Variants in NCAM1 observed in about 807,000 individuals in gnomAD.
NCAM1 encodes neural cell adhesion molecule 1.
In NCAM1, 14 loss-of-function variants were observed where a neutral mutation model predicts 109.8. The observed-to-expected ratio is 0.13, with a 90% CI of 0.08 to 0.20. NCAM1 has a LOEUF of 0.20. NCAM1 is among the 10% of genes least tolerant of loss of function. The pLI, the probability that NCAM1 is intolerant of heterozygous loss-of-function variation, is 1.00. For missense variants in NCAM1, 774 were observed against 1,109.9 expected, an observed-to-expected ratio of 0.70 and a Z score of 4.30; for synonymous variants, 418 against 442.9, an observed-to-expected ratio of 0.94 and a Z score of 0.70.
rs1940863917 is a variant in NCAM1 at position 113,119,612 on chromosome 11, A to C, written c.53-82767A>C. Among the ~76,000 whole-genome samples, 3 of 152,172 alleles carry C rather than the reference A, an allele frequency of 2.0e-5. No individual in the cohort carries two copies. The South Asian group carries it at 6.2e-4, about 32-fold the overall frequency. On this transcript the variant is annotated intron_variant, in intron 1 of 19. Transcript: ENST00000316851. The stretch of plus-strand genomic sequence containing the variant: ...TACAGGTTCCAACCTTGGTGGAGGA[A>C]GTGATATTTAATATCACATAAAACC...
At chr11:113,113,786 A>T (rs1940557063) in intron 1 of NCAM1, among the ~76,000 whole-genome samples, 1 of 151,824 alleles carries the variant, frequency 6.6e-6, no homozygotes, top group Non-Finnish European at 1.5e-5. Context: ...AAAAATCTTG[A>T]TGTGTCTTAG....
At chr11:113,252,546 C>A (rs554300033) in intron 15 of NCAM1, among the ~76,000 whole-genome samples, 14 of 152,164 alleles carry the variant, frequency 9.2e-5, no homozygotes, top group African/African-American at 3.1e-4. Context: ...GACTTCAGTG[C>A]CTAATAGACT....
At chr11:113,021,441 A>C (rs1404145557) in intron 1 of NCAM1, among the ~76,000 whole-genome samples, 1 of 152,222 alleles carries the variant, frequency 6.6e-6, no homozygotes, top group Non-Finnish European at 1.5e-5. Context: ...TCCTTTGGCT[A>C]TTCATTTGGG....
intron 1 of NCAM1, among the ~76,000 whole-genome samples, chr11:113,067,466 A>G (rs1555084426): frequency 2.0e-5 from 3 of 152,210 alleles, no homozygotes; most frequent in Admixed American, 6.5e-5. Context: ...CTCTTTGACA[A>G]ATTGTCTTTT....
At chr11:113,218,632 G>A (rs1555114762) in intron 8 of NCAM1, among the ~76,000 whole-genome samples, 1 of 152,198 alleles carries the variant, frequency 6.6e-6, no homozygotes, top group Non-Finnish European at 1.5e-5. Context: ...CTTTGATCAT[G>A]TCTCTGTATT....
intron 1 of NCAM1, among the ~76,000 whole-genome samples, chr11:113,172,301 G>T (rs1555106372): frequency 1.3e-5 from 2 of 152,184 alleles, no homozygotes; most frequent in South Asian, 4.1e-4. Flanking sequence ...GGTTCCAGGA[G>T]CTGCCATCAA....
intron 1 of NCAM1, among the ~76,000 whole-genome samples, chr11:113,144,829 G>T (rs974977292): frequency 3.9e-5 from 6 of 152,226 alleles, no homozygotes; most frequent in African/African-American, 1.4e-4. Context: ...TATGTAAAGA[G>T]CCTGGGGCAT....
chr11:113,063,001 T>C (rs1555083670), intron 1 of NCAM1, among the ~76,000 whole-genome samples: 2 of 152,008 alleles, frequency 1.3e-5, no homozygotes, highest in Non-Finnish European at 2.9e-5. Flanking sequence ...CTGTGAAGAA[T>C]GGGAGGAAGG....
chr11:113,248,655 C>A (rs1638433275), intron 15 of NCAM1, among the ~76,000 whole-genome samples: 1 of 152,092 alleles, frequency 6.6e-6, no homozygotes, highest in African/African-American at 2.4e-5. Flanking sequence ...AAAAAGAAAA[C>A]TGCCTGGGAT....
At chr11:113,160,602 A>G (rs1178681550) in intron 1 of NCAM1, among the ~76,000 whole-genome samples, 1 of 152,216 alleles carries the variant, frequency 6.6e-6, no homozygotes, top group African/African-American at 2.4e-5. Flanking sequence ...ACAGCAGCCA[A>G]TACAAAGCCT....
intron 14 of NCAM1, among the ~76,000 whole-genome samples, chr11:113,235,518 GCCCTAAGCA>G (rs1372093759): frequency 2.6e-5 from 4 of 152,232 alleles, no homozygotes; most frequent in Admixed American, 6.5e-5. Flanking sequence ...GGCCACAGAA[GCCCTAAGCA>G]CCCTGTGACT....
At chr11:113,211,035 C>T (rs1944378276) in intron 7 of NCAM1, among the ~76,000 whole-genome samples, 1 of 152,216 alleles carries the variant, frequency 6.6e-6, no homozygotes, top group African/African-American at 2.4e-5. Flanking sequence ...TTCTCCACCA[C>T]CTTTTCCCAT....
rs141781844 is a variant in NCAM1 at position 113,189,309 on chromosome 11, G to A, written c.53-13070G>A. On this transcript the variant is annotated intron_variant, in intron 1 of 19. Coordinates refer to ENST00000316851, the MANE Select transcript of NCAM1 (RefSeq NM_181351.5). ...TACTAAAAATGCAAAAATTAGCCAG[G>A]CATGGTGGCGTGTGCTTGTAGTCCC... Among the ~76,000 whole-genome samples, 989 of 152,050 alleles carry A rather than the reference G, an allele frequency of 6.5e-3. 11 individuals carry two copies. The highest frequency in any genetic ancestry group is 0.023 in the African/African-American group (934 of 41,478).
intron 1 of NCAM1, among the ~76,000 whole-genome samples, chr11:113,159,301 T>A (rs2136334020): frequency 6.6e-6 from 1 of 152,358 alleles, no homozygotes; most frequent in Non-Finnish European, 1.5e-5. Context: ...ATTTAAATTG[T>A]ATATATTTCT....
At chr11:113,228,068 G>A (rs1174710621) in intron 9 of NCAM1, among the ~76,000 whole-genome samples, 1 of 152,170 alleles carries the variant, frequency 6.6e-6, no homozygotes, top group Non-Finnish European at 1.5e-5. Flanking sequence ...ACATAGTGTT[G>A]GAAGTTCTGG....
At chr11:113,256,092 G>A in intron 16 of NCAM1, 91 bp downstream of exon 16, 1 of 1,477,132 alleles carries the variant, frequency 6.8e-7, no homozygotes, top group South Asian at 1.3e-5. Context: ...CACGGGGCAG[G>A]GGTGGGATGG....
intron 7 of NCAM1, among the ~76,000 whole-genome samples, chr11:113,210,775 A>AACACACACAC (rs35387760): frequency 0.012 from 1,509 of 130,946 alleles, 19 homozygotes; most frequent in Middle Eastern, 0.024. Context: ...CTTCATCACA[A>AACACACACAC]ACACACACAC....
At chr11:113,073,178 CT>C (rs202239850) in intron 1 of NCAM1, among the ~76,000 whole-genome samples, 2 of 152,216 alleles carry the variant, frequency 1.3e-5, no homozygotes, top group East Asian at 3.9e-4. Flanking sequence ...AACTTCTTTA[CT>C]TTTTTAAGAC....
chr11:113,120,227 A>T (rs1940900443), intron 1 of NCAM1, among the ~76,000 whole-genome samples: 1 of 152,168 alleles, frequency 6.6e-6, no homozygotes, highest in South Asian at 2.1e-4. Context: ...GGTAGTGTTA[A>T]TGTTTGCTCT....
Sources: allele counts gnomAD v4.1 joint callset (sites outside exome capture counted in the v4.1 genomes callset), GRCh38; gene constraint gnomAD v4.1.1; transcripts MANE v1.5; gene names NCBI Gene and HGNC (gene_info 2026-07-23, HGNC 2026-07-21).